Variants in ARID2 observed in about 807,000 individuals in gnomAD.
ARID2 encodes the protein AT-rich interaction domain 2, also known as AT-rich interactive domain-containing protein 2.
ARID2 carries 32 observed loss-of-function variants against 184.6 expected under a neutral mutation model. The ratio of observed to expected loss-of-function variants is 0.17; its 90% CI spans 0.13 to 0.23. The LOEUF (loss-of-function observed/expected upper bound fraction) is 0.23, where lower values mean the gene tolerates loss of function less well. Ranked by LOEUF, ARID2 falls within the 10% of genes least tolerant of loss-of-function variation. ARID2 has a pLI of 1.00. For synonymous variants in ARID2, 836 were observed against 772.6 expected, an observed-to-expected ratio of 1.08 and a Z score of -1.36; for missense variants, 1,696 against 2,197.6, an observed-to-expected ratio of 0.77 and a Z score of 4.56.
At chr12:45,832,898 A>C (rs1204807001) in intron 6 of ARID2, among the ~76,000 whole-genome samples, 4 of 152,204 alleles carry the variant, frequency 2.6e-5, no homozygotes, top group African/African-American at 9.6e-5. Context: ...CTATACTGCT[A>C]TACCATTTTA....
intron 3 of ARID2, among the ~76,000 whole-genome samples, chr12:45,737,016 A>G (rs1388561046): frequency 1.3e-5 from 2 of 152,246 alleles, no homozygotes; most frequent in East Asian, 3.8e-4. Flanking sequence ...TGTTTAAACT[A>G]TAATGTGATA....
chr12:45,812,150 G>T (rs1454291092), intron 4 of ARID2, among the ~76,000 whole-genome samples: 1 of 151,616 alleles, frequency 6.6e-6, no homozygotes, highest in South Asian at 2.1e-4. Context: ...TGATGACTAG[G>T]AAGAGAGGTC....
At chr12:45,779,341 T>C (rs1015143824) in intron 3 of ARID2, among the ~76,000 whole-genome samples, 4 of 152,110 alleles carry the variant, frequency 2.6e-5, no homozygotes, top group Non-Finnish European at 5.9e-5. Context: ...AATAATACTT[T>C]TGTCACCAGT....
chr12:45,800,037 A>G (rs1169185568), intron 3 of ARID2, among the ~76,000 whole-genome samples: 1 of 151,900 alleles, frequency 6.6e-6, no homozygotes, highest in African/African-American at 2.4e-5. Context: ...TTATGTAGAG[A>G]TGGGGGTCTC....
At chr12:45,765,828 C>G (rs73095491) in intron 3 of ARID2, among the ~76,000 whole-genome samples, 2 of 152,100 alleles carry the variant, frequency 1.3e-5, no homozygotes, top group Non-Finnish European at 2.9e-5. Context: ...TTTCTTGCCC[C>G]TTTTTAACCT....
chr12:45,750,689 G>A (rs1483216614), intron 3 of ARID2, among the ~76,000 whole-genome samples: 1 of 152,166 alleles, frequency 6.6e-6, no homozygotes, highest in Non-Finnish European at 1.5e-5. Context: ...TGATTACTTG[G>A]TTGGAGACAT....
chr12:45,766,571 T>G (rs905331849), intron 3 of ARID2, among the ~76,000 whole-genome samples: 2 of 151,548 alleles, frequency 1.3e-5, no homozygotes, highest in African/African-American at 4.8e-5. Context: ...TGGAGTGCAG[T>G]GGCGCAATCT....
intron 16 of ARID2, among the ~76,000 whole-genome samples, chr12:45,887,686 CCTCACAGA>C (rs1285377572): frequency 6.6e-6 from 1 of 152,182 alleles, no homozygotes; most frequent in East Asian, 1.9e-4. Context: ...AGGTTTTCCA[CCTCACAGA>C]TTGAATCCCA....
rs565725502 is a variant in ARID2 at position 45,850,728 on chromosome 12, A to C, written c.2605A>C (p.Asn869His). Residue 869 changes from asparagine (N) to histidine (H), a missense_variant, in exon 15 of 21, where the codon AAT (asparagine) becomes CAT (histidine). This residue lies in a region of ARID2 where 713 missense variants were observed against 824.4 expected (regional missense o/e 0.86). Coordinates refer to ENST00000334344, the MANE Select transcript of ARID2 (RefSeq NM_152641.4). ...SNIVSATSVQ[N>H]FQVATGQMVT... is the part of the protein sequence containing the mutation. ...TATTGTCTCAGCAACTTCAGTACAG[A>C]ATTTTCAGGTAGCTACAGGACAAAT... The C allele has an allele frequency of 1.9e-6, 3 of 1,614,090 alleles. No individual in the cohort carries two copies. The highest frequency in any genetic ancestry group is 1.7e-5 in the Admixed American group (1 of 60,020).
intron 20 of ARID2, among the ~76,000 whole-genome samples, chr12:45,900,445 A>G (rs754880834): frequency 1.3e-5 from 2 of 152,156 alleles, no homozygotes; most frequent in South Asian, 2.1e-4. Context: ...TGATTGTACC[A>G]TATATTTTAA....
intron 3 of ARID2, among the ~76,000 whole-genome samples, chr12:45,803,540 G>C (rs185999218): frequency 6.6e-6 from 1 of 152,062 alleles, no homozygotes; most frequent in Non-Finnish European, 1.5e-5. Flanking sequence ...AAAGCATCAC[G>C]TAACAAAAAG....
intron 16 of ARID2, among the ~76,000 whole-genome samples, chr12:45,888,653 A>G (rs1944238927): frequency 6.6e-6 from 1 of 152,138 alleles, no homozygotes; most frequent in Non-Finnish European, 1.5e-5. Flanking sequence ...TTTTTGGCCT[A>G]CTATTTTCCA....
intron 3 of ARID2, among the ~76,000 whole-genome samples, chr12:45,768,529 G>A (rs111661255): frequency 1.3e-5 from 2 of 152,314 alleles, no homozygotes; most frequent in African/African-American, 4.8e-5. Flanking sequence ...TATGCTGTAA[G>A]ACAGAGTTCT....
At chr12:45,843,514 C>T (rs1943389818) in intron 11 of ARID2, among the ~76,000 whole-genome samples, 1 of 151,794 alleles carries the variant, frequency 6.6e-6, no homozygotes, top group Non-Finnish European at 1.5e-5. Flanking sequence ...CTACAGGTGG[C>T]CACCACCACA....
chr12:45,881,609 TG>T, intron 16 of ARID2: 1 of 157,272 alleles, frequency 6.4e-6, no homozygotes. Flanking sequence ...CTGGAGGGCT[TG>T]GGGTGTGGCC....
chr12:45,905,215 A>AG lies in ARID2; in HGVS notation c.*137_*138insG. 4.7e-6 allele frequency: 4 copies of AG among 851,422 alleles called. No individual in the cohort carries two copies. The highest frequency in any genetic ancestry group is 6.7e-6 in the Non-Finnish European group (4 of 593,002). 52.7% of individuals were successfully genotyped at this position (851,422 alleles called of 1,614,324 possible). On this transcript the variant is annotated 3_prime_UTR_variant, in exon 21 of 21. Transcript: ENST00000334344. ...TATCTCCTCCCATGATGCTGAGAGG[A>AG]AGCTTCGTATTCTGATCTCTGAGTG...
intron 5 of ARID2, among the ~76,000 whole-genome samples, chr12:45,820,342 C>G (rs1942877152): frequency 6.6e-6 from 1 of 151,992 alleles, no homozygotes; most frequent in African/African-American, 2.4e-5. Context: ...AATTCTTATT[C>G]TAGCCAGAGT....
chr12:45,801,631 C>G (rs1942503385), intron 3 of ARID2, among the ~76,000 whole-genome samples: 1 of 152,184 alleles, frequency 6.6e-6, no homozygotes, highest in Non-Finnish European at 1.5e-5. Context: ...AAAATACATT[C>G]TCTGTGTCTA....
chr12:45,783,459 A>G (rs141543205), intron 3 of ARID2, among the ~76,000 whole-genome samples: 179 of 152,346 alleles, frequency 1.2e-3, no homozygotes, highest in African/African-American at 3.8e-3. Context: ...ATTATGCTCA[A>G]TGGTGAAATG....
Sources: gnomAD v4.1 joint callset for allele counts (sites outside exome capture counted in the v4.1 genomes callset) on GRCh38, gnomAD v4.1.1 for gene constraint, gnomAD v4.1.1 regional missense constraint, MANE v1.5 for transcripts, NCBI Gene and HGNC (gene_info 2026-07-23, HGNC 2026-07-21) for gene names.